CHRM2: variants seen among roughly 807,000 people sequenced by gnomAD.
CHRM2 encodes muscarinic acetylcholine receptor M2.
CHRM2 carries 8 observed loss-of-function variants against 25.0 expected under a neutral mutation model. The observed-to-expected ratio is 0.32, with a 90% CI of 0.19 to 0.58. The LOEUF is 0.58. CHRM2 is among the 20% of genes least tolerant of loss of function. The pLI, the probability that CHRM2 is intolerant of heterozygous loss-of-function variation, is 0.88. For synonymous variants in CHRM2, 202 were observed against 205.7 expected, an observed-to-expected ratio of 0.98 and a Z score of 0.15; for missense variants, 440 against 567.1, an observed-to-expected ratio of 0.78 and a Z score of 2.28.
intron 2 of CHRM2, among the ~76,000 whole-genome samples, chr7:136,936,926 GC>G (rs1353822694): frequency 5.9e-5 from 9 of 152,106 alleles, no homozygotes; most frequent in Non-Finnish European, 1.3e-4. Context: ...CCAATAATCT[GC>G]TGAATTTTAG....
intron 2 of CHRM2, among the ~76,000 whole-genome samples, chr7:136,873,705 C>A (rs1475497175): frequency 6.6e-6 from 1 of 152,166 alleles, no homozygotes; most frequent in East Asian, 1.9e-4. Flanking sequence ...ATAGTTGTGG[C>A]ACTTGTTTTC....
intron 2 of CHRM2, among the ~76,000 whole-genome samples, chr7:136,959,646 C>T (rs547905817): frequency 2.7e-4 from 41 of 152,300 alleles, no homozygotes; most frequent in African/African-American, 9.6e-4. Flanking sequence ...GCCACGGTGG[C>T]TCACACCTGT....
At chr7:136,954,740 C>G (rs986167472) in intron 2 of CHRM2, among the ~76,000 whole-genome samples, 2 of 152,218 alleles carry the variant, frequency 1.3e-5, no homozygotes, top group East Asian at 1.9e-4. Flanking sequence ...GCTGAATGAT[C>G]TTGACTACAT....
At chr7:136,889,365 T>C (rs1165184667) in intron 2 of CHRM2, among the ~76,000 whole-genome samples, 1 of 152,182 alleles carries the variant, frequency 6.6e-6, no homozygotes, top group Non-Finnish European at 1.5e-5. Flanking sequence ...TTTATACTGG[T>C]TAACATTTAC....
At chr7:136,999,843 A>G (rs1803867660) in intron 3 of CHRM2, among the ~76,000 whole-genome samples, 1 of 152,170 alleles carries the variant, frequency 6.6e-6, no homozygotes, top group Non-Finnish European at 1.5e-5. Context: ...ACGGGAAACA[A>G]CTGTTAGCAA....
At chr7:136,937,740 AAT>A (rs1197895760) in intron 2 of CHRM2, among the ~76,000 whole-genome samples, 3 of 152,296 alleles carry the variant, frequency 2.0e-5, no homozygotes, top group Non-Finnish European at 2.9e-5. Flanking sequence ...GATTGACATA[AAT>A]ATATGAGATA....
At chr7:136,941,773 T>A (rs1799786942) in intron 2 of CHRM2, among the ~76,000 whole-genome samples, 2 of 152,308 alleles carry the variant, frequency 1.3e-5, no homozygotes, top group South Asian at 4.1e-4. Context: ...TTGAGACTGT[T>A]GTAAGGGAGA....
At chr7:137,011,215 G>GTATATATATATATATATATA (rs71176365) in intron 3 of CHRM2, among the ~76,000 whole-genome samples, 1 of 134,276 alleles carries the variant, frequency 7.4e-6, no homozygotes, top group Admixed American at 7.2e-5. Context: ...GTGTGTGTGT[G>GTATATATATATATATATATA]TATATATATA....
chr7:136,938,813 C>T (rs1481929960), intron 2 of CHRM2, among the ~76,000 whole-genome samples: 1 of 151,692 alleles, frequency 6.6e-6, no homozygotes, highest in Non-Finnish European at 1.5e-5. Flanking sequence ...GCCCTCAGCC[C>T]ACCCGCAGGG....
At chr7:136,966,976 A>G (rs1227572239) in intron 2 of CHRM2, among the ~76,000 whole-genome samples, 3 of 152,048 alleles carry the variant, frequency 2.0e-5, no homozygotes, top group African/African-American at 7.2e-5. Context: ...AATTCCAAGC[A>G]AACTGTTTAC....
chr7:136,875,229 C>T lies in CHRM2; in HGVS notation c.-125+5811C>T, dbSNP rs546392953. 9.9e-5 allele frequency among the ~76,000 whole-genome samples: 15 copies of T among 151,466 alleles called. 1 individual carries two copies. In the South Asian group the frequency reaches 3.1e-3, roughly 32 times the overall value. ...ATATATACATATACATACACACATA[C>T]ACACACGCGTGAGAAAGAAAGAGTG... is the stretch of plus-strand genomic sequence containing the variant. On this transcript the variant is annotated intron_variant, in intron 2 of 3. Transcript: ENST00000680005.
At chr7:136,968,021 C>T (rs1801521997) in intron 2 of CHRM2, among the ~76,000 whole-genome samples, 3 of 151,820 alleles carry the variant, frequency 2.0e-5, no homozygotes. Flanking sequence ...ACATTGTGTT[C>T]ACTGCTTTAT....
chr7:136,982,531 C>T (rs1162999447), intron 2 of CHRM2, among the ~76,000 whole-genome samples: 4 of 152,056 alleles, frequency 2.6e-5, no homozygotes, highest in African/African-American at 9.7e-5. Context: ...GCTGTTTCTT[C>T]ATAGTCAATG....
chr7:136,986,998 A>G (rs920271572), intron 2 of CHRM2, among the ~76,000 whole-genome samples: 1 of 152,214 alleles, frequency 6.6e-6, no homozygotes, highest in Non-Finnish European at 1.5e-5. Context: ...CAGGCAAAAC[A>G]GAAACGAACA....
At chr7:136,985,722 T>C (rs1802813910) in intron 2 of CHRM2, among the ~76,000 whole-genome samples, 1 of 152,144 alleles carries the variant, frequency 6.6e-6, no homozygotes, top group Non-Finnish European at 1.5e-5. Flanking sequence ...ATAATGTTAC[T>C]TGAGCATTTC....
rs1415197010 is a variant in CHRM2 at position 136,868,654 on chromosome 7, TGCA to T, written c.-618_-616del. On this transcript the variant is annotated 5_prime_UTR_variant, in exon 1 of 4. Coordinates refer to ENST00000680005, the MANE Select transcript of CHRM2 (RefSeq NM_001006630.2). ...TTCTCTCCAGAAATTGTCCGCCCAT[TGCA>T]GCTAATCGAACACACACGCACGAAT... is the stretch of plus-strand genomic sequence containing the variant. 1 of 152,190 alleles carries T rather than the reference TGCA, an allele frequency of 6.6e-6. No homozygotes were observed. Among genetic ancestry groups the T allele is most frequent in the African/African-American group, 2.4e-5 (1 of 41,432 alleles). The allele number at this position is 152,190 out of a possible 1,614,324, so 9.4% of individuals were successfully genotyped here. A position where few individuals can be genotyped will look rare whatever the true frequency, so the allele number is the denominator to read the frequency against.
At chr7:136,981,799 T>C (rs1802506966) in intron 2 of CHRM2, among the ~76,000 whole-genome samples, 1 of 152,222 alleles carries the variant, frequency 6.6e-6, no homozygotes. Flanking sequence ...TTGATTGCAC[T>C]GTGGTCTGAG....
chr7:136,965,346 A>T (rs1801345336), intron 2 of CHRM2, among the ~76,000 whole-genome samples: 1 of 152,104 alleles, frequency 6.6e-6, no homozygotes, highest in African/African-American at 2.4e-5. Flanking sequence ...TGTGACTTCC[A>T]TACTTCAGTA....
At position 136,869,542 on chromosome 7, in the gene CHRM2, G is replaced by A. The variant is rs1243857813; in HGVS notation, c.-125+124G>A. 2 of 152,410 alleles carry A rather than the reference G, an allele frequency of 1.3e-5. No homozygotes were observed. Among genetic ancestry groups the A allele is most frequent in the Admixed American group, 6.5e-5 (1 of 15,290 alleles). The allele number at this position is 152,410 out of a possible 1,614,324, so 9.4% of individuals were successfully genotyped here. A position where few individuals can be genotyped will look rare whatever the true frequency, so the allele number is the denominator to read the frequency against. On this transcript the variant is annotated intron_variant, in intron 2 of 3. Coordinates refer to ENST00000680005, the MANE Select transcript of CHRM2 (RefSeq NM_001006630.2). This position sits in a 1 kb window ranked among gnomAD's most constrained non-coding sequence, Gnocchi z 4.9. ...GGGTCGGGGCTTGGGGGAATTGGAG[G>A]GAGGTCCTCCCCACGTGCAGATTCT...
Sources: allele counts gnomAD v4.1 joint callset (sites outside exome capture counted in the v4.1 genomes callset), GRCh38; gene constraint gnomAD v4.1.1; non-coding constraint Gnocchi (gnomAD v3.1); transcripts MANE v1.5; gene names NCBI Gene and HGNC (gene_info 2026-07-23, HGNC 2026-07-21).